Variants in ADGRB3 observed in about 807,000 individuals in gnomAD.
ADGRB3 encodes the protein brain-specific angiogenesis inhibitor 3.
ADGRB3 carries 37 observed loss-of-function variants against 193.4 expected under a neutral mutation model. The observed-to-expected ratio is 0.19, with a 90% CI of 0.15 to 0.25. The LOEUF is 0.25. Among genes scored for constraint, ADGRB3 ranks in the 10% least tolerant of loss-of-function variants. ADGRB3 has a pLI of 1.00. For missense variants in ADGRB3, 1,637 were observed against 1,852.9 expected (o/e 0.88, Z 2.14); for synonymous variants, 690 against 644.2 (o/e 1.07, Z -1.08).
At chr6:69,350,655 C>G (rs1392199752) in intron 26 of ADGRB3, among the ~76,000 whole-genome samples, 1 of 151,748 alleles carries the variant, frequency 6.6e-6, no homozygotes, top group East Asian at 1.9e-4. Context: ...AAGTGATTTT[C>G]CAAATGGTAA....
chr6:68,857,650 G>C (rs1765025726), intron 3 of ADGRB3, among the ~76,000 whole-genome samples: 1 of 152,166 alleles, frequency 6.6e-6, no homozygotes, highest in Admixed American at 6.5e-5. Flanking sequence ...TAGGCAGAAG[G>C]GACTTGTCTC....
At chr6:69,207,223 T>G (rs1319966897) in intron 17 of ADGRB3, among the ~76,000 whole-genome samples, 2 of 152,168 alleles carry the variant, frequency 1.3e-5, no homozygotes, top group Non-Finnish European at 1.5e-5. Flanking sequence ...GAATGTAATG[T>G]CGCAGGAATG....
At chr6:69,048,576 A>C (rs1316618443) in intron 14 of ADGRB3, among the ~76,000 whole-genome samples, 1 of 152,162 alleles carries the variant, frequency 6.6e-6, no homozygotes, top group Non-Finnish European at 1.5e-5. Flanking sequence ...CCTGAGTTTG[A>C]CATGGTCAAG....
At chr6:68,951,346 T>C (rs1223760101) in intron 6 of ADGRB3, among the ~76,000 whole-genome samples, 6 of 152,130 alleles carry the variant, frequency 3.9e-5, no homozygotes, top group Admixed American at 3.3e-4. Flanking sequence ...AGCTCTAATA[T>C]CGTCGTCTCC....
intron 3 of ADGRB3, among the ~76,000 whole-genome samples, chr6:68,802,180 A>G (rs1482651460): frequency 6.8e-6 from 1 of 146,528 alleles, no homozygotes; most frequent in Non-Finnish European, 1.5e-5. Context: ...AAATGCACAT[A>G]TGCGTGTGTG....
rs560579190 is a variant in ADGRB3, at chr6:68,960,227, G to A, written c.1525+3418G>A. On this transcript the variant is annotated intron_variant, in intron 8 of 31. Coordinates refer to ENST00000370598, the MANE Select transcript of ADGRB3 (RefSeq NM_001704.3). ...ACACTTTATTTATACATAAAATTTC[G>A]TTCTTGGAACCACAGCTGCTTTGTC... is the stretch of plus-strand genomic sequence containing the variant. Among the ~76,000 whole-genome samples the A allele has an allele frequency of 5.7e-4, 87 of 152,214 alleles. 1 individual carries two copies. The highest frequency in any genetic ancestry group is 1.9e-3 in the African/African-American group (78 of 41,534).
intron 30 of ADGRB3, among the ~76,000 whole-genome samples, chr6:69,375,344 A>G (rs894514904): frequency 6.6e-6 from 1 of 152,102 alleles, no homozygotes; most frequent in Non-Finnish European, 1.5e-5. Context: ...ATTGGCTAGT[A>G]TAGTAGGTAA....
chr6:68,851,157 A>G (rs553648971), intron 3 of ADGRB3, among the ~76,000 whole-genome samples: 2 of 151,870 alleles, frequency 1.3e-5, no homozygotes, highest in Non-Finnish European at 2.9e-5. Flanking sequence ...TCTTCCTACT[A>G]TACCTGATAC....
At chr6:69,050,751 T>A (rs1771369515) in intron 15 of ADGRB3, among the ~76,000 whole-genome samples, 1 of 152,232 alleles carries the variant, frequency 6.6e-6, no homozygotes, top group South Asian at 2.1e-4. Context: ...CAATTAAACA[T>A]GTTGAGAATT....
chr6:69,288,829 T>G (rs947142673), intron 20 of ADGRB3, among the ~76,000 whole-genome samples: 19 of 152,132 alleles, frequency 1.2e-4, no homozygotes, highest in African/African-American at 4.3e-4. Context: ...GTTGAAAAAA[T>G]GATTTATATC....
chr6:69,031,452 A>AAG, intron 13 of ADGRB3, among the ~76,000 whole-genome samples: 1 of 150,784 alleles, frequency 6.6e-6, no homozygotes, highest in Middle Eastern at 3.4e-3. Flanking sequence ...AAAAAAAAAA[A>AAG]AAAATTCTAG....
At position 69,324,495 on chromosome 6, in the gene ADGRB3, G is replaced by A. The variant is rs141123241; in HGVS notation, c.2815-377G>A. ...TTATCTGTTAAAAGGGAAGAATAAA[G>A]AATGTAGCCAAACTAATTATGCAAG... On this transcript the variant is annotated intron_variant, in intron 20 of 31. Coordinates refer to ENST00000370598, the MANE Select transcript of ADGRB3 (RefSeq NM_001704.3). Among the ~76,000 whole-genome samples, 698 of 152,122 alleles carry A rather than the reference G, an allele frequency of 4.6e-3. 27 individuals are homozygous for A. Among genetic ancestry groups the A allele is most frequent in the Admixed American group, 0.042 (640 of 15,264 alleles).
At chr6:69,337,883 G>A (rs190251936) in intron 24 of ADGRB3, among the ~76,000 whole-genome samples, 7 of 152,148 alleles carry the variant, frequency 4.6e-5, no homozygotes, top group Admixed American at 1.3e-4. Flanking sequence ...ATGCAACTCC[G>A]CTATAAGATT....
At chr6:68,842,186 A>G (rs1768171516) in intron 3 of ADGRB3, among the ~76,000 whole-genome samples, 1 of 151,962 alleles carries the variant, frequency 6.6e-6, no homozygotes, top group African/African-American at 2.4e-5. Flanking sequence ...AAATTTAAAA[A>G]TTAATTAAAT....
chr6:68,856,463 G>A (rs117805500), intron 3 of ADGRB3, among the ~76,000 whole-genome samples: 1,921 of 152,298 alleles, frequency 0.013, 20 homozygotes, highest in Middle Eastern at 0.031. Context: ...CTCAGGTGGA[G>A]ATGCAGAACT....
chr6:69,173,568 A>G (rs1389144579), intron 17 of ADGRB3, among the ~76,000 whole-genome samples: 1 of 152,172 alleles, frequency 6.6e-6, no homozygotes, highest in East Asian at 1.9e-4. Context: ...GGAGATGAAG[A>G]TGGATATGTG....
intron 3 of ADGRB3, among the ~76,000 whole-genome samples, chr6:68,721,069 G>A (rs1765567290): frequency 6.6e-6 from 1 of 151,740 alleles, no homozygotes. Flanking sequence ...ACAGTGTGGC[G>A]ATTCCTCAGG....
chr6:69,106,164 T>TAAAAAAAAAAAAAAAAAAAAAAAAAAAAA (rs61114782), intron 17 of ADGRB3, among the ~76,000 whole-genome samples: 33 of 91,062 alleles, frequency 3.6e-4, no homozygotes, highest in East Asian at 2.0e-3. Context: ...GAGACTGCGT[T>TAAAAAAAAAAAAAAAAAAAAAAAAAAAAA]AAAAAAAAAA....
chr6:68,735,677 T>G (rs571937506), intron 3 of ADGRB3, among the ~76,000 whole-genome samples: 1 of 152,216 alleles, frequency 6.6e-6, no homozygotes, highest in Non-Finnish European at 1.5e-5. Context: ...AACCCAGGGA[T>G]TGTCTTTTTA....
Sources: gnomAD v4.1 joint callset for allele counts (sites outside exome capture counted in the v4.1 genomes callset) on GRCh38, gnomAD v4.1.1 for gene constraint, MANE v1.5 for transcripts, NCBI Gene and HGNC (gene_info 2026-07-23, HGNC 2026-07-21) for gene names.